The following NRXN3 variants were observed in gnomAD, a reference collection of about 807,000 sequenced individuals.
NRXN3 encodes neurexin III.
Under a neutral mutation model 137.6 loss-of-function variants are expected in NRXN3, and 32 were observed. The observed-to-expected ratio is 0.23, with a 90% confidence interval of 0.18 to 0.31. NRXN3 has a LOEUF of 0.31. Ranked by LOEUF, NRXN3 falls within the 10% of genes least tolerant of loss-of-function variation. The pLI, the probability that NRXN3 is intolerant of heterozygous loss-of-function variation, is 1.00. For synonymous variants in NRXN3, 798 were observed against 784.5 expected, an observed-to-expected ratio of 1.02 and a Z score of -0.29; for missense variants, 1,574 against 2,062.5, an observed-to-expected ratio of 0.76 and a Z score of 4.59.
chr14:79,687,434 TCTAAACTGCCCTAGTACTTG>T (rs2098700011), intron 17 of NRXN3, among the ~76,000 whole-genome samples: 1 of 152,196 alleles, frequency 6.6e-6, no homozygotes, highest in Non-Finnish European at 1.5e-5. Flanking sequence ...GGCAATAACC[TCTAAACTGCCCTAGTACTTG>T]AGGGCAGCAG....
At chr14:79,810,202 A>T (rs532250073) in intron 20 of NRXN3, among the ~76,000 whole-genome samples, 1 of 152,310 alleles carries the variant, frequency 6.6e-6, no homozygotes, top group East Asian at 1.9e-4. Flanking sequence ...CAGAGCGAAA[A>T]AAAAAAGTAA....
intron 10 of NRXN3, among the ~76,000 whole-genome samples, chr14:78,928,445 C>T (rs2099312207): frequency 6.6e-6 from 1 of 152,108 alleles, no homozygotes; most frequent in Non-Finnish European, 1.5e-5. Flanking sequence ...TTCTATCCCT[C>T]CCCCTTACTC....
intron 10 of NRXN3, among the ~76,000 whole-genome samples, chr14:78,909,968 A>G (rs907490954): frequency 3.3e-5 from 5 of 152,134 alleles, no homozygotes; most frequent in Admixed American, 2.0e-4. Context: ...AAACACCTGG[A>G]AAAATGATTA....
intron 4 of NRXN3, among the ~76,000 whole-genome samples, chr14:78,463,870 T>C (rs6574447): frequency 0.98 from 147,330 of 151,030 alleles, 71,951 homozygotes; most frequent in Non-Finnish European, 1. Flanking sequence ...GCCAGCCACA[T>C]ATTATTTTAT....
chr14:78,310,207 T>G (rs1457207152), intron 4 of NRXN3, among the ~76,000 whole-genome samples: 1 of 151,880 alleles, frequency 6.6e-6, no homozygotes, highest in Non-Finnish European at 1.5e-5. Flanking sequence ...ATCATGGTTA[T>G]TTCTCTACTG....
At chr14:78,813,371 G>A (rs1421379075) in intron 10 of NRXN3, among the ~76,000 whole-genome samples, 5 of 152,202 alleles carry the variant, frequency 3.3e-5, no homozygotes, top group Admixed American at 3.3e-4. Flanking sequence ...AGGTGTGCCG[G>A]TCCTTACTCT....
intron 19 of NRXN3, among the ~76,000 whole-genome samples, chr14:79,718,890 T>C (rs2098832765): frequency 6.6e-6 from 1 of 152,184 alleles, no homozygotes; most frequent in African/African-American, 2.4e-5. Flanking sequence ...TCTCTGTTCC[T>C]TCTGCCTTCA....
intron 4 of NRXN3, among the ~76,000 whole-genome samples, chr14:78,504,270 G>A (rs1448081675): frequency 6.6e-6 from 1 of 152,140 alleles, no homozygotes; most frequent in Non-Finnish European, 1.5e-5. Flanking sequence ...GCAGTCACCA[G>A]TTAAATAAAT....
At chr14:78,432,392 A>T (rs17107573) in intron 4 of NRXN3, among the ~76,000 whole-genome samples, 37,874 of 151,294 alleles carry the variant, frequency 0.25, 6,861 homozygotes, top group African/African-American at 0.5. Flanking sequence ...TTGCAACTTG[A>T]CCCCTTGCTG....
chr14:79,120,294 A>G (rs2055180990), intron 15 of NRXN3, among the ~76,000 whole-genome samples: 1 of 152,166 alleles, frequency 6.6e-6, no homozygotes, highest in African/African-American at 2.4e-5. Flanking sequence ...ACCTTGTGCA[A>G]ATGAGTGTTG....
At position 79,622,649 on chromosome 14, in the gene NRXN3, T is replaced by G. The variant is rs1471048568; in HGVS notation, c.3445-41129T>G. Among the ~76,000 whole-genome samples, 3 of 152,030 alleles carry G rather than the reference T, an allele frequency of 2.0e-5. No individual in the cohort carries two copies. In the East Asian group the frequency reaches 5.8e-4, roughly 29 times the overall value. On this transcript the variant is annotated intron_variant, in intron 16 of 20. Coordinates refer to ENST00000335750, the MANE Select transcript of NRXN3 (RefSeq NM_001330195.2). The stretch of plus-strand genomic sequence containing the variant: ...TCTCACTCTGTCACCCAGGCTGGAG[T>G]GTAATGGCGCAATCTCGGCTCACTG...
intron 15 of NRXN3, among the ~76,000 whole-genome samples, chr14:79,381,513 T>G (rs141823091): frequency 1.3e-5 from 2 of 152,320 alleles, no homozygotes; most frequent in African/African-American, 4.8e-5. Context: ...CATCTATGCT[T>G]CTTTTCCTCT....
chr14:79,011,565 C>T (rs1415850569), intron 15 of NRXN3, among the ~76,000 whole-genome samples: 1 of 151,986 alleles, frequency 6.6e-6, no homozygotes, highest in East Asian at 1.9e-4. Flanking sequence ...TTTGGACACT[C>T]CTTTTTCAAC....
chr14:79,737,866 A>G (rs1000040483), intron 19 of NRXN3, among the ~76,000 whole-genome samples: 2 of 152,012 alleles, frequency 1.3e-5, no homozygotes, highest in African/African-American at 4.8e-5. Flanking sequence ...CCCATTGTGC[A>G]GTGTTCTTAC....
chr14:78,957,291 G>C lies in NRXN3; in HGVS notation c.2325G>C (p.Glu775Asp), dbSNP rs1352899730. ...CAGGGCAGAAGCTCAATGACAACGA[G>C]TGGCACACCGTTCGGGTGGTGCGGA... ...LYAGQKLNDNEWHTVRVVRRG... is the reference protein window; with the variant it reads ...LYAGQKLNDNDWHTVRVVRRG... Residue 775 changes from glutamate (E) to aspartate (D), a missense_variant, in exon 11 of 21, where the codon GAG becomes GAC. Coordinates refer to ENST00000335750, the MANE Select transcript of NRXN3 (RefSeq NM_001330195.2). 1 of 1,614,064 alleles carries C rather than the reference G, an allele frequency of 6.2e-7. No homozygotes were observed. Among genetic ancestry groups the C allele is most frequent in the Admixed American group, 1.7e-5 (1 of 60,030 alleles).
intron 6 of NRXN3, among the ~76,000 whole-genome samples, chr14:78,706,843 G>T (rs938153880): frequency 2.6e-5 from 4 of 152,158 alleles, no homozygotes; most frequent in African/African-American, 9.7e-5. Context: ...ATATCCATTA[G>T]AATGCAAACA....
At chr14:78,480,471 C>CAAA (rs765196470) in intron 4 of NRXN3, among the ~76,000 whole-genome samples, 2 of 152,216 alleles carry the variant, frequency 1.3e-5, no homozygotes, top group East Asian at 3.9e-4. Flanking sequence ...CTTTATTTAA[C>CAAA]AAAAGTAGAT....
intron 15 of NRXN3, among the ~76,000 whole-genome samples, chr14:79,126,624 G>A (rs1166681700): frequency 5.3e-5 from 8 of 152,054 alleles, no homozygotes; most frequent in South Asian, 2.1e-4. Flanking sequence ...GAATAATGCC[G>A]CAATAAACAT....
intron 17 of NRXN3, among the ~76,000 whole-genome samples, chr14:79,686,821 A>ACTGT (rs1427420561): frequency 1.3e-5 from 2 of 152,192 alleles, no homozygotes; most frequent in Non-Finnish European, 2.9e-5. Context: ...AGGAAATGAT[A>ACTGT]CTGTCTGCTC....
Sources: gnomAD v4.1 joint callset for allele counts (sites outside exome capture counted in the v4.1 genomes callset) on GRCh38, gnomAD v4.1.1 for gene constraint, MANE v1.5 for transcripts, NCBI Gene and HGNC (gene_info 2026-07-23, HGNC 2026-07-21) for gene names.